CLIP2: variants seen among roughly 807,000 people sequenced by gnomAD.
CLIP2 encodes CAP-Gly domain containing linker protein 2, also known as CAP-Gly domain-containing linker protein 2.
A neutral mutation model predicts 111.7 loss-of-function variants in CLIP2; 41 were observed. The ratio of observed to expected loss-of-function variants is 0.37; its 90% CI spans 0.29 to 0.48. The LOEUF (loss-of-function observed/expected upper bound fraction) is 0.48, where lower values mean the gene tolerates loss of function less well. CLIP2 is among the 20% of genes least tolerant of loss of function. The pLI, the probability that CLIP2 is intolerant of heterozygous loss-of-function variation, is 0.99. For synonymous variants in CLIP2, 660 were observed against 644.2 expected, an observed-to-expected ratio of 1.02 and a Z score of -0.37; for missense variants, 1,160 against 1,422.1, an observed-to-expected ratio of 0.82 and a Z score of 2.96.
chr7:74,378,333 GC>G (rs1263136902), intron 10 of CLIP2, among the ~76,000 whole-genome samples: 1 of 151,660 alleles, frequency 6.6e-6, no homozygotes, highest in African/African-American at 2.4e-5. Context: ...TCCTCATGTT[GC>G]CCAGGCTGGT....
chr7:74,378,512 G>C, intron 10 of CLIP2, among the ~76,000 whole-genome samples: 1 of 152,086 alleles, frequency 6.6e-6, no homozygotes, highest in East Asian at 1.9e-4. Flanking sequence ...GGCTGAGGCA[G>C]GAGGATTGCT....
Position 74,376,150 on chromosome 7 carries a change from G to C in CLIP2, c.1749G>C (p.Ala583=). 2 of 1,609,822 alleles carry C rather than the reference G, an allele frequency of 1.2e-6. No individual in the cohort carries two copies. Among genetic ancestry groups the C allele is most frequent in the Non-Finnish European group, 1.7e-6 (2 of 1,178,038 alleles). Residue 583 remains alanine (A), a synonymous_variant, in exon 10 of 17, where the codon GCG becomes GCC. Transcript: ENST00000223398. The surrounding 1 kb of genome is among the most constrained non-coding windows in gnomAD (Gnocchi z 7.1). The part of the protein sequence containing the change: ...AYQAEVDKLR[A]ANEKYAQEVA... ...AGGCGGAGGTGGACAAGCTCCGCGCGGCCAACGAGAAGTACGCACAGGAGG... is the reference window on the plus strand; with the variant it reads ...AGGCGGAGGTGGACAAGCTCCGCGCCGCCAACGAGAAGTACGCACAGGAGG...
At chr7:74,304,614 A>G (rs1375635027) in intron 1 of CLIP2, among the ~76,000 whole-genome samples, 2 of 151,166 alleles carry the variant, frequency 1.3e-5, no homozygotes, top group Non-Finnish European at 2.9e-5. Context: ...GACAGGATAC[A>G]TTGAACACCC....
intron 15 of CLIP2, 54 bp downstream of exon 15, chr7:74,400,609 C>T (rs1002073259): frequency 5.4e-5 from 79 of 1,458,272 alleles, no homozygotes; most frequent in Non-Finnish European, 5.9e-5. Context: ...GCAGTGTCCT[C>T]GGAGCCCCCG....
At position 74,376,928 on chromosome 7, in the gene CLIP2, A is replaced by G. The variant is rs1224343415; in HGVS notation, c.2421+106A>G. 2 of 1,156,782 alleles carry G rather than the reference A, an allele frequency of 1.7e-6. No individual in the cohort carries two copies. The highest frequency in any genetic ancestry group is 1.6e-5 in the African/African-American group (1 of 63,982). The allele number at this position is 1,156,782 out of a possible 1,614,324, so 71.7% of individuals were successfully genotyped here. A position where few individuals can be genotyped will look rare whatever the true frequency, so the allele number is the denominator to read the frequency against. On this transcript the variant is annotated intron_variant, in intron 10 of 16. Transcript: ENST00000223398. This position sits in a 1 kb window ranked among gnomAD's most constrained non-coding sequence, Gnocchi z 7.1. ...CCAGGAAGCATTTCCCTTGTCCCCGAGAGCATGCCTGGGGCAGTCAAGGAA... is the reference window on the plus strand; with the variant it reads ...CCAGGAAGCATTTCCCTTGTCCCCGGGAGCATGCCTGGGGCAGTCAAGGAA...
At chr7:74,387,816 T>C (rs1171780408) in intron 12 of CLIP2, among the ~76,000 whole-genome samples, 1 of 152,206 alleles carries the variant, frequency 6.6e-6, no homozygotes, top group Non-Finnish European at 1.5e-5. Flanking sequence ...CGAGGATTGA[T>C]CTGTTTATTG....
intron 1 of CLIP2, among the ~76,000 whole-genome samples, chr7:74,302,938 G>T (rs1023476415): frequency 6.6e-6 from 1 of 152,168 alleles, no homozygotes; most frequent in African/African-American, 2.4e-5. Flanking sequence ...GGGCTCCCTC[G>T]TACCTCTACT....
At position 74,376,941 on chromosome 7, in the gene CLIP2, G is replaced by A. The variant is rs1584375882; in HGVS notation, c.2421+119G>A. 1 of 1,065,346 alleles carries A rather than the reference G, an allele frequency of 9.4e-7. No homozygotes were observed. The highest frequency in any genetic ancestry group is 1.3e-6 in the Non-Finnish European group (1 of 762,126). 66.0% of individuals were successfully genotyped at this position (1,065,346 alleles called of 1,614,324 possible). On this transcript the variant is annotated intron_variant, in intron 10 of 16. Transcript: ENST00000223398. This position sits in a 1 kb window ranked among gnomAD's most constrained non-coding sequence, Gnocchi z 7.1. The stretch of plus-strand genomic sequence containing the variant: ...CCCTTGTCCCCGAGAGCATGCCTGG[G>A]GCAGTCAAGGAAGGGGTCACCTGGC...
chr7:74,396,743 A>T (rs965361434), intron 13 of CLIP2, among the ~76,000 whole-genome samples: 5 of 150,890 alleles, frequency 3.3e-5, no homozygotes, highest in Non-Finnish European at 7.4e-5. Context: ...CTGGTCTCAA[A>T]CTCCTGACCT....
At chr7:74,322,683 C>T (rs1384922616) in intron 2 of CLIP2, among the ~76,000 whole-genome samples, 1 of 152,162 alleles carries the variant, frequency 6.6e-6, no homozygotes, top group African/African-American at 2.4e-5. Flanking sequence ...TCTGGAATTA[C>T]AGGCGTGAGC....
rs781902843 is a variant in CLIP2, at chr7:74,376,339, C to T, written c.1938C>T (p.Ile646=). The T allele has an allele frequency of 5.0e-6, 8 of 1,613,786 alleles. No individual in the cohort carries two copies. Among genetic ancestry groups the T allele is most frequent in the South Asian group, 2.2e-5 (2 of 91,084 alleles). ...GCCCAGGCGCCCAGCAGAAGGAGAT[C>T]GGCGAGCTGAAGGCAGTGATGGAGG... The part of the protein sequence containing the change: ...NSGPGAQQKE[I]GELKAVMEGI... Residue 646 remains isoleucine (I), a synonymous_variant, in exon 10 of 17, where the codon ATC becomes ATT. Transcript: ENST00000223398. The surrounding 1 kb of genome is among the most constrained non-coding windows in gnomAD (Gnocchi z 7.1).
intron 1 of CLIP2, among the ~76,000 whole-genome samples, chr7:74,291,987 C>G (rs7807187): frequency 6.7e-6 from 1 of 150,048 alleles, no homozygotes; most frequent in Non-Finnish European, 1.5e-5. Flanking sequence ...TGCAATGGCG[C>G]GATCTTGGCT....
chr7:74,374,670 G>A (rs1216799719), intron 9 of CLIP2, among the ~76,000 whole-genome samples: 5 of 152,104 alleles, frequency 3.3e-5, no homozygotes, highest in African/African-American at 4.8e-5. Flanking sequence ...GCAGTGAGCC[G>A]AGATGGTGCC....
In CLIP2 at chr7:74,338,459, CACAA is replaced by C. The variant is rs781993825; in HGVS notation, c.137_140del (p.Lys46SerfsTer41). ...CTCCTTCTCTGCAGGCTCCCCACTG[CACAA>C]ACAGTCATCTGGACCCTCCTCCTCC... On this transcript the variant is annotated frameshift_variant, in exon 3 of 17. Transcript: ENST00000223398. LOFTEE classifies it high-confidence loss of function. The surrounding 1 kb of genome is among the most constrained non-coding windows in gnomAD (Gnocchi z 4.3). The C allele has an allele frequency of 4.3e-6, 7 of 1,612,862 alleles. No individual in the cohort carries two copies. The highest frequency in any genetic ancestry group is 1.1e-5 in the South Asian group (1 of 90,986).
intron 3 of CLIP2, among the ~76,000 whole-genome samples, chr7:74,339,294 T>TTGAC (rs1448992389): frequency 8.8e-6 from 1 of 113,280 alleles, no homozygotes; most frequent in African/African-American, 2.8e-5. Flanking sequence ...ATTTACTTAT[T>TTGAC]TTACTTATTT....
intron 14 of CLIP2, among the ~76,000 whole-genome samples, chr7:74,397,791 CAA>C (rs1166519226): frequency 2.0e-5 from 3 of 151,176 alleles, no homozygotes; most frequent in Non-Finnish European, 4.4e-5. Flanking sequence ...CTCAGCCTCC[CAA>C]GTAGCTGGGA....
chr7:74,307,402 A>C (rs1488978029), intron 1 of CLIP2, among the ~76,000 whole-genome samples: 1 of 152,184 alleles, frequency 6.6e-6, no homozygotes, highest in Admixed American at 6.5e-5. Context: ...GGGAAGCTCC[A>C]CCTGTCAGAG....
In CLIP2 at chr7:74,403,173, C is replaced by T. The variant is rs531249776; in HGVS notation, c.3130-664C>T. ...GGCAGAGGTTGCAGTGAGCCAAGAT[C>T]GTGCCACTGCACTCTAGCCTGAGCA... On this transcript the variant is annotated intron_variant, in intron 16 of 16. Transcript: ENST00000223398. 2.1e-4 allele frequency among the ~76,000 whole-genome samples: 30 copies of T among 142,656 alleles called. 1 individual carries two copies. The East Asian group carries it at 5.8e-3, about 28-fold the overall frequency. The allele number at this position is 142,656 out of a possible 152,430, so 93.6% of individuals were successfully genotyped here.
At chr7:74,290,736 G>A (rs1787991744) in intron 1 of CLIP2, among the ~76,000 whole-genome samples, 1 of 152,226 alleles carries the variant, frequency 6.6e-6, no homozygotes, top group African/African-American at 2.4e-5. Context: ...GGTGCGGGGA[G>A]CACCACGTGT....
Sources: gnomAD v4.1 joint callset for allele counts (sites outside exome capture counted in the v4.1 genomes callset) on GRCh38, gnomAD v4.1.1 for gene constraint, Gnocchi (gnomAD v3.1) non-coding constraint, MANE v1.5 for transcripts, NCBI Gene and HGNC (gene_info 2026-07-23, HGNC 2026-07-21) for gene names.